AKAP10: variants seen among roughly 807,000 people sequenced by gnomAD.
The protein encoded by AKAP10 is A-kinase anchoring protein 10, also known as A-kinase anchor protein 10, mitochondrial.
AKAP10 carries 24 observed loss-of-function variants against 80.8 expected under a neutral mutation model. The observed-to-expected ratio is 0.30, with a 90% confidence interval of 0.22 to 0.42. The LOEUF is 0.42. Ranked by LOEUF, AKAP10 falls within the 10% of genes least tolerant of loss-of-function variation. The pLI, the probability that AKAP10 is intolerant of heterozygous loss-of-function variation, is 1.00. For synonymous variants in AKAP10, 291 were observed against 277.7 expected (o/e 1.05, Z -0.48); for missense variants, 661 against 794.9 (o/e 0.83, Z 2.03).
intron 12 of AKAP10, among the ~76,000 whole-genome samples, chr17:19,911,449 TC>T (rs2042688431): frequency 6.6e-6 from 1 of 152,164 alleles, no homozygotes; most frequent in Non-Finnish European, 1.5e-5. Context: ...ACCAGCTAAT[TC>T]CACTGGCTGA....
intron 14 of AKAP10, among the ~76,000 whole-genome samples, chr17:19,907,349 T>C (rs1250587607): frequency 6.6e-6 from 1 of 151,942 alleles, no homozygotes; most frequent in Admixed American, 6.6e-5. Context: ...TTTTAAGAAA[T>C]TCCATTTGGT....
At chr17:19,956,383 G>A (rs948100550) in intron 4 of AKAP10, among the ~76,000 whole-genome samples, 2 of 152,026 alleles carry the variant, frequency 1.3e-5, no homozygotes, top group African/African-American at 2.4e-5. Flanking sequence ...GTCTGAATCC[G>A]AAGAAACAAA....
At position 19,947,651 on chromosome 17, in the gene AKAP10, G is replaced by C. The variant is rs148953364; in HGVS notation, c.878-146C>G. ...CACAAAGGTGCTTTTTCATTGTTTG[G>C]TTTGTGGAAGAGGAGAGTTACATGG... On this transcript the variant is annotated intron_variant, in intron 4 of 14. Transcript: ENST00000225737. The C allele has an allele frequency of 2.2e-3, 1,525 of 689,784 alleles. 19 individuals carry two copies. In the African/African-American group the frequency reaches 0.024, roughly 11 times the overall value. 42.7% of individuals were successfully genotyped at this position (689,784 alleles called of 1,614,324 possible).
chr17:19,977,608 G>A lies in AKAP10; in HGVS notation c.72C>T (p.Ser24=). Residue 24 remains serine, a synonymous_variant, in exon 1 of 15, where the codon TCC becomes TCT. Coordinates refer to ENST00000225737, the MANE Select transcript of AKAP10 (RefSeq NM_007202.4). ...TLRPDPGPAM[S]FFRRKVKGKE... is the part of the protein sequence containing the mutation. ...CTCAGCTACCTTTCCGCCGGAAGAAGGACATGGCGGGGCCCGGGTCGGGAC... is the reference window on the plus strand; with the variant it reads ...CTCAGCTACCTTTCCGCCGGAAGAAAGACATGGCGGGGCCCGGGTCGGGAC... 3 of 1,234,978 alleles carry A rather than the reference G, an allele frequency of 2.4e-6. No individual in the cohort carries two copies. Among genetic ancestry groups the A allele is most frequent in the Non-Finnish European group, 3.0e-6 (3 of 988,016 alleles). 76.5% of individuals were successfully genotyped at this position (1,234,978 alleles called of 1,614,324 possible). A position where few individuals can be genotyped will look rare whatever the true frequency, so the allele number is the denominator to read the frequency against.
At chr17:19,971,441 G>A (rs2043496309) in intron 1 of AKAP10, among the ~76,000 whole-genome samples, 1 of 151,268 alleles carries the variant, frequency 6.6e-6, no homozygotes. Context: ...CCCAGGAGGT[G>A]GAGGTTGCAG....
rs113416976 is a variant in AKAP10, at chr17:19,940,257, GA to G, written c.1186-409del. ...ATTGTTGATTTAAACTTATAGCAAAGAAAGGGAGTGAGAAAACAAATCAACT... is the reference window on the plus strand; with the variant it reads ...ATTGTTGATTTAAACTTATAGCAAAGAAGGGAGTGAGAAAACAAATCAACT... On this transcript the variant is annotated intron_variant, in intron 7 of 14. Transcript: ENST00000225737. 6.4e-3 allele frequency among the ~76,000 whole-genome samples: 971 copies of G among 152,292 alleles called. 4 individuals are homozygous for G. The highest frequency in any genetic ancestry group is 0.017 in the African/African-American group (725 of 41,550).
In AKAP10 at chr17:19,946,259, AT is replaced by A. The variant is rs1477779303; in HGVS notation, c.976+1147del. On this transcript the variant is annotated intron_variant, in intron 5 of 14. Transcript: ENST00000225737. ...ATATTATATATATATATATATATAT[AT>A]ATATATATATATATATTTTTTTTTT... Among the ~76,000 whole-genome samples, 17 of 23,924 alleles carry A rather than the reference AT, an allele frequency of 7.1e-4. 1 individual carries two copies. Among genetic ancestry groups the A allele is most frequent in the African/African-American group, 2.7e-3 (15 of 5,656 alleles). 15.7% of individuals were successfully genotyped at this position (23,924 alleles called of 152,430 possible).
At chr17:19,955,724 A>T (rs899377997) in intron 4 of AKAP10, among the ~76,000 whole-genome samples, 4 of 151,980 alleles carry the variant, frequency 2.6e-5, no homozygotes, top group African/African-American at 9.7e-5. Flanking sequence ...AATCCCAGCT[A>T]CTCAGGGGGC....
intron 10 of AKAP10, among the ~76,000 whole-genome samples, chr17:19,926,891 C>T (rs2042880267): frequency 6.6e-6 from 1 of 152,028 alleles, no homozygotes; most frequent in South Asian, 2.1e-4. Context: ...GAGGCCATGG[C>T]AGGTGAATCA....
Position 19,969,182 on chromosome 17 carries a change from A to C in AKAP10, c.89-721T>G, listed in dbSNP as rs1428371198. Among the ~76,000 whole-genome samples the C allele has an allele frequency of 5.3e-5, 8 of 152,208 alleles. No homozygotes were observed. The East Asian group carries it at 1.5e-3, about 29-fold the overall frequency. On this transcript the variant is annotated intron_variant, in intron 1 of 14. Transcript: ENST00000225737. ...AACATGGTGAAACCCCATCTCTACT[A>C]AAAATACAAAACAATGAGCTGGGTG...
Position 19,958,071 on chromosome 17 carries a change from C to G in AKAP10, c.820G>C (p.Ala274Pro). ...GGAGAAGCGGGACTATTTCTACTGGCTACTGTAAGTGTAGAGGAAGATTCT... is the reference window on the plus strand; with the variant it reads ...GGAGAAGCGGGACTATTTCTACTGGGTACTGTAAGTGTAGAGGAAGATTCT... ...TQESSSTLTV[A>P]SRNSPASPLK... is the part of the protein sequence containing the mutation. The change falls in exon 4 of 15, where the codon GCC becomes CCC. Residue 274 changes from alanine (A) to proline (P), a missense_variant. Coordinates refer to ENST00000225737, the MANE Select transcript of AKAP10 (RefSeq NM_007202.4). The G allele has an allele frequency of 6.2e-7, 1 of 1,614,186 alleles. No homozygotes were observed. The highest frequency in any genetic ancestry group is 8.5e-7 in the Non-Finnish European group (1 of 1,180,026).
chr17:19,976,573 G>A (rs1465994116), intron 1 of AKAP10, among the ~76,000 whole-genome samples: 2 of 151,878 alleles, frequency 1.3e-5, no homozygotes, highest in Admixed American at 6.6e-5. Context: ...AGGCTGGAGT[G>A]CAATGGTGCT....
In AKAP10 at chr17:19,940,916, A is replaced by G. The variant is rs762681519; in HGVS notation, c.1156T>C (p.Cys386Arg). 1 of 1,608,900 alleles carries G rather than the reference A, an allele frequency of 6.2e-7. No homozygotes were observed. Among genetic ancestry groups the G allele is most frequent in the Non-Finnish European group, 8.5e-7 (1 of 1,178,712 alleles). Residue 386 changes from cysteine (C) to arginine (R), a missense_variant, in exon 7 of 15, where the codon TGT becomes CGT. Cys to Arg is a radical substitution (Grantham distance 180). Transcript: ENST00000225737. ...GAGAAATAAAAGAGGGCTGACTCACAGAAGAGAATGTCAGCCAGGTAAACA... is the reference window on the plus strand; with the variant it reads ...GAGAAATAAAAGAGGGCTGACTCACGGAAGAGAATGTCAGCCAGGTAAACA... ...GTVYLADILF[C>R]ESALFYFSEY...
intron 6 of AKAP10, 68 bp downstream of exon 6, chr17:19,941,758 G>T: frequency 8.3e-7 from 1 of 1,209,012 alleles, no homozygotes; most frequent in Admixed American, 2.6e-5. Flanking sequence ...TTAGCTGAGT[G>T]AAGCCCATTC....
chr17:19,951,191 CA>C (rs1371184104), intron 4 of AKAP10, among the ~76,000 whole-genome samples: 27 of 95,786 alleles, frequency 2.8e-4, no homozygotes, highest in South Asian at 5.6e-4. Flanking sequence ...GGTGGGGGGT[CA>C]GCCCCCGCCC....
chr17:19,969,883 G>A (rs1384170715), intron 1 of AKAP10, among the ~76,000 whole-genome samples: 1 of 152,120 alleles, frequency 6.6e-6, no homozygotes, highest in Non-Finnish European at 1.5e-5. Context: ...TAGGGTCACT[G>A]GTGTTTGCAG....
At chr17:19,910,107 C>A in intron 12 of AKAP10, 129 bp from the exon 13 acceptor site, 1 of 769,934 alleles carries the variant, frequency 1.3e-6, no homozygotes. Flanking sequence ...GTGGGTGATT[C>A]ACCTGAGGTT....
chr17:19,950,255 T>C (rs2043184561), intron 4 of AKAP10, among the ~76,000 whole-genome samples: 1 of 152,144 alleles, frequency 6.6e-6, no homozygotes, highest in African/African-American at 2.4e-5. Context: ...GATAAATAAA[T>C]TTAAGGAAAA....
chr17:19,949,690 C>T (rs749380544), intron 4 of AKAP10, among the ~76,000 whole-genome samples: 3 of 150,742 alleles, frequency 2.0e-5, no homozygotes, highest in Admixed American at 6.6e-5. Context: ...AACACTTGAA[C>T]CCAGGAGGCG....
Sources: allele counts gnomAD v4.1 joint callset (sites outside exome capture counted in the v4.1 genomes callset), GRCh38; gene constraint gnomAD v4.1.1; transcripts MANE v1.5; gene names NCBI Gene and HGNC (gene_info 2026-07-23, HGNC 2026-07-21).